Variants in TRPV1 observed in about 807,000 individuals in gnomAD.
TRPV1 encodes transient receptor potential cation channel subfamily V member 1, also known as OTRPC1.
A neutral mutation model predicts 82.3 loss-of-function variants in TRPV1; 82 were observed. The ratio of observed to expected loss-of-function variants is 1.00; its 90% CI spans 0.83 to 1.20. The LOEUF (loss-of-function observed/expected upper bound fraction) is 1.20, where lower values mean the gene tolerates loss of function less well. TRPV1 is among the 50% of genes most tolerant of loss of function. The pLI is 0.00. For missense variants in TRPV1, 1,067 were observed against 1,096.8 expected (o/e 0.97, Z 0.38); for synonymous variants, 515 against 467.7 (o/e 1.10, Z -1.30).
intron 16 of TRPV1, among the ~76,000 whole-genome samples, chr17:3,567,345 G>A (rs1362384648): frequency 2.0e-5 from 3 of 146,406 alleles, no homozygotes; most frequent in Non-Finnish European, 4.5e-5. Context: ...CTCCAGCCTG[G>A]GCGAAAAGAG....
chr17:3,606,464 G>T (rs1243081397), intron 2 of TRPV1, among the ~76,000 whole-genome samples: 2 of 152,304 alleles, frequency 1.3e-5, no homozygotes, highest in East Asian at 3.9e-4. Flanking sequence ...CATTCCCTGT[G>T]CACGTCCCAC....
In TRPV1 at chr17:3,591,353, C is replaced by T; in HGVS notation, c.285G>A (p.Arg95=). The T allele has an allele frequency of 1.3e-6, 2 of 1,568,440 alleles. No individual in the cohort carries two copies. Among genetic ancestry groups the T allele is most frequent in the Non-Finnish European group, 1.7e-6 (2 of 1,159,584 alleles). Residue 95 remains arginine, a splice_region_variant and synonymous_variant, in exon 4 of 17, where the codon AGG becomes AGA. Transcript: ENST00000572705. The part of the protein sequence containing the change: ...QRPGDGPTGA[R]LLSQDSVAAS... ...CGGCGACAGAGTCCTGGGACAGCAGCCTGTGGGCCAGAAAACACGCTCGTC... is the reference window on the plus strand; with the variant it reads ...CGGCGACAGAGTCCTGGGACAGCAGTCTGTGGGCCAGAAAACACGCTCGTC...
At chr17:3,597,577 A>AG (rs2075230608) in intron 2 of TRPV1, among the ~76,000 whole-genome samples, 1 of 150,570 alleles carries the variant, frequency 6.6e-6, no homozygotes. Context: ...GTTGGCGTCG[A>AG]GGGGGTCTTC....
chr17:3,570,509 T>C (rs2074838716), intron 16 of TRPV1, among the ~76,000 whole-genome samples: 1 of 152,190 alleles, frequency 6.6e-6, no homozygotes, highest in Admixed American at 6.6e-5. Context: ...TTTACCACAA[T>C]TTTTTACAAT....
rs1555549479 is a variant in TRPV1, at chr17:3,576,677, A to ATATATATATATATATG, written c.1780+448_1780+449insCATATATATATATATA. On this transcript the variant is annotated intron_variant, in intron 13 of 16. Transcript: ENST00000572705. ...AGAAAAAAAAAAAAAAAATATATAT[A>ATATATATATATATATG]TATATATATATATGCATAAAAACTA... Among the ~76,000 whole-genome samples, 306 of 95,228 alleles carry ATATATATATATATATG rather than the reference A, an allele frequency of 3.2e-3. 3 individuals carry two copies. Among genetic ancestry groups the ATATATATATATATATG allele is most frequent in the African/African-American group, 6.2e-3 (175 of 28,426 alleles). The allele number at this position is 95,228 out of a possible 152,430, so 62.5% of individuals were successfully genotyped here.
In TRPV1 at chr17:3,592,617, G is replaced by A. The variant is rs573864007; in HGVS notation, c.-33-234C>T. 37 of 516,904 alleles carry A rather than the reference G, an allele frequency of 7.2e-5. No homozygotes were observed. In the East Asian group the frequency reaches 1.0e-3, roughly 14 times the overall value. 32.0% of individuals were successfully genotyped at this position (516,904 alleles called of 1,614,324 possible). On this transcript the variant is annotated intron_variant, in intron 2 of 16. Coordinates refer to ENST00000572705, the MANE Select transcript of TRPV1 (RefSeq NM_080704.4). ...AGGCAGTCCTGCGGCCACTGACGTC[G>A]GCCTGGGAGGGTGGACAGGCCCCCG...
At chr17:3,569,986 G>A (rs933399851) in intron 16 of TRPV1, among the ~76,000 whole-genome samples, 6 of 149,922 alleles carry the variant, frequency 4.0e-5, no homozygotes, top group Non-Finnish European at 5.9e-5. Context: ...GGGGCCAAGC[G>A]GTCAGGGAGG....
chr17:3,591,145 G>A, intron 4 of TRPV1, 29 bp from the exon 5 acceptor site: 3 of 1,610,142 alleles, frequency 1.9e-6, no homozygotes, highest in Non-Finnish European at 2.5e-6. Flanking sequence ...GGTCAGGGCA[G>A]GCCAGGGCTG....
rs571755174 is a variant in TRPV1 at position 3,576,606 on chromosome 17, C to T, written c.1780+520G>A. Among the ~76,000 whole-genome samples, 558 of 142,522 alleles carry T rather than the reference C, an allele frequency of 3.9e-3. 2 individuals carry two copies. Among genetic ancestry groups the T allele is most frequent in the African/African-American group, 0.014 (527 of 38,376 alleles). 93.5% of individuals were successfully genotyped at this position (142,522 alleles called of 152,430 possible). On this transcript the variant is annotated intron_variant, in intron 13 of 16. Transcript: ENST00000572705. ...GGCGGAGCCTCCAGTGAGCCGAGAT[C>T]GCGCCACTGCACGCCAGCCTGGGCA... is the stretch of plus-strand genomic sequence containing the variant.
intron 2 of TRPV1, among the ~76,000 whole-genome samples, chr17:3,607,536 C>A (rs1475322237): frequency 1.1e-5 from 1 of 89,602 alleles, no homozygotes; most frequent in Non-Finnish European, 2.1e-5. Context: ...TAAAGTAGAA[C>A]AATTTTTTTT....
chr17:3,576,668 A>AAAAAAAAAAAAAAAAATATATATATATAT, intron 13 of TRPV1, among the ~76,000 whole-genome samples: 1 of 38,390 alleles, frequency 2.6e-5, no homozygotes, highest in Non-Finnish European at 5.3e-5. Flanking sequence ...AAAAAAAAAA[A>AAAAAAAAAAAAAAAAATATATATATATAT]ATATATATAT....
intron 16 of TRPV1, among the ~76,000 whole-genome samples, chr17:3,569,699 A>G (rs2074821197): frequency 6.6e-6 from 1 of 152,206 alleles, no homozygotes; most frequent in African/African-American, 2.4e-5. Context: ...TTTGGGGCAG[A>G]TGAGTTCCCC....
chr17:3,600,820 C>T lies in TRPV1; in HGVS notation c.-34+7607G>A, dbSNP rs925223533. On this transcript the variant is annotated intron_variant, in intron 2 of 16. Coordinates refer to ENST00000572705, the MANE Select transcript of TRPV1 (RefSeq NM_080704.4). ...GGCTGCTCTCCTCTTCTTGCCGTTC[C>T]CCACACCTGGGGGTCCAAGGACCCC... is the stretch of plus-strand genomic sequence containing the variant. Among the ~76,000 whole-genome samples, 9 of 152,226 alleles carry T rather than the reference C, an allele frequency of 5.9e-5. 1 individual carries two copies. Among genetic ancestry groups the T allele is most frequent in the East Asian group, 1.9e-4 (1 of 5,164 alleles).
chr17:3,572,369 T>C lies in TRPV1; in HGVS notation c.2104-120A>G, dbSNP rs545393933. ...CCAGGCCTAGATGCCTCCAGGGTGG[T>C]TGTCCAGTGCCCTCCACGCTAGCTT... On this transcript the variant is annotated intron_variant, in intron 14 of 16. Transcript: ENST00000572705. The C allele has an allele frequency of 7.9e-6, 10 of 1,260,532 alleles. No homozygotes were observed. The African/African-American group carries it at 1.5e-4, about 19-fold the overall frequency. 78.1% of individuals were successfully genotyped at this position (1,260,532 alleles called of 1,614,324 possible).
intron 2 of TRPV1, among the ~76,000 whole-genome samples, chr17:3,606,859 G>A (rs575810972): frequency 2.6e-5 from 4 of 152,294 alleles, no homozygotes; most frequent in South Asian, 2.1e-4. Flanking sequence ...TGTCCATCCC[G>A]TTCCTAACCT....
chr17:3,588,247 C>T lies in TRPV1; in HGVS notation c.1165G>A (p.Asp389Asn), dbSNP rs760653614. ...AGCACCGAGTTCTTCTCGCAGGTGTCGATGCAGGACAGGTCGTACAGCGAG... is the reference window on the plus strand; with the variant it reads ...AGCACCGAGTTCTTCTCGCAGGTGTTGATGCAGGACAGGTCGTACAGCGAG... ...HSSLYDLSCI[D>N]TCEKNSVLEV... is the part of the protein sequence containing the mutation. The change falls in exon 8 of 17, where the codon GAC (aspartate) becomes AAC (asparagine). Residue 389 changes from aspartate to asparagine, a missense_variant. Transcript: ENST00000572705. The T allele has an allele frequency of 4.4e-6, 7 of 1,581,460 alleles. No homozygotes were observed. The highest frequency in any genetic ancestry group is 1.3e-5 in the African/African-American group (1 of 74,206).
rs191421849 is a variant in TRPV1 at position 3,575,347 on chromosome 17, A to T, written c.1781-1392T>A. Among the ~76,000 whole-genome samples, 4 of 152,066 alleles carry T rather than the reference A, an allele frequency of 2.6e-5. No individual in the cohort carries two copies. In the East Asian group the frequency reaches 7.8e-4, roughly 30 times the overall value. On this transcript the variant is annotated intron_variant, in intron 13 of 16. Transcript: ENST00000572705. ...AAAATATAAAAATTAGCCGGGCGTGATGATGGGCAGCTGTGATCCCAGCTA... is the reference window on the plus strand; with the variant it reads ...AAAATATAAAAATTAGCCGGGCGTGTTGATGGGCAGCTGTGATCCCAGCTA...
At chr17:3,588,958 C>T (rs1040163760) in intron 7 of TRPV1, 12 of 1,535,456 alleles carry the variant, frequency 7.8e-6, no homozygotes, top group African/African-American at 2.7e-5. Flanking sequence ...GGTCCATTCT[C>T]GATAACCTCA....
Position 3,577,265 on chromosome 17 carries a change from C to T in TRPV1, c.1714-73G>A, listed in dbSNP as rs192892777. ...AGCTGAGGGAAGGGCCGGGCCGCATCGGCCTGGGGATGCGTCTTGAGAACG... is the reference window on the plus strand; with the variant it reads ...AGCTGAGGGAAGGGCCGGGCCGCATTGGCCTGGGGATGCGTCTTGAGAACG... On this transcript the variant is annotated intron_variant, in intron 12 of 16. Coordinates refer to ENST00000572705, the MANE Select transcript of TRPV1 (RefSeq NM_080704.4). 11 of 1,499,540 alleles carry T rather than the reference C, an allele frequency of 7.3e-6. No individual in the cohort carries two copies. In the East Asian group the frequency reaches 1.5e-4, roughly 20 times the overall value. The allele number at this position is 1,499,540 out of a possible 1,614,324, so 92.9% of individuals were successfully genotyped here. A position where few individuals can be genotyped will look rare whatever the true frequency, so the allele number is the denominator to read the frequency against.
Sources: gnomAD v4.1 joint callset for allele counts (sites outside exome capture counted in the v4.1 genomes callset) on GRCh38, gnomAD v4.1.1 for gene constraint, MANE v1.5 for transcripts, NCBI Gene and HGNC (gene_info 2026-07-23, HGNC 2026-07-21) for gene names.